The following MCRS1 variants were observed in gnomAD, a reference collection of about 807,000 sequenced individuals.
MCRS1 encodes the protein microspherule protein 1, also known as 58 kDa microspherule protein.
MCRS1 carries 22 observed loss-of-function variants against 62.9 expected under a neutral mutation model. The observed-to-expected ratio is 0.35, with a 90% CI of 0.25 to 0.50. The LOEUF is 0.50. MCRS1 is among the 20% of genes least tolerant of loss of function. MCRS1 has a pLI of 0.98. For missense variants in MCRS1, 456 were observed against 601.1 expected, an observed-to-expected ratio of 0.76 and a Z score of 2.52; for synonymous variants, 244 against 233.5, an observed-to-expected ratio of 1.04 and a Z score of -0.41.
At chr12:49,562,855 T>A in intron 8 of MCRS1, 146 bp downstream of exon 8, 1 of 1,088,568 alleles carries the variant, frequency 9.2e-7, no homozygotes, top group Non-Finnish European at 1.2e-6. Flanking sequence ...GAAAGTAGTT[T>A]TTTTTGCAAT....
At chr12:49,565,937 G>T in intron 3 of MCRS1, 140 bp downstream of exon 3, 2 of 1,298,460 alleles carry the variant, frequency 1.5e-6, no homozygotes, top group South Asian at 1.4e-5. Context: ...AGCAGGGACA[G>T]GAAAAGCACA....
Position 49,559,113 on chromosome 12 carries a change from A to G in MCRS1, c.1174+101T>C, listed in dbSNP as rs1938613512. 6.6e-7 allele frequency: 1 copy of G among 1,522,562 alleles called. No homozygotes were observed. The highest frequency in any genetic ancestry group is 9.0e-7 in the Non-Finnish European group (1 of 1,107,332). The allele number at this position is 1,522,562 out of a possible 1,614,324, so 94.3% of individuals were successfully genotyped here. A position where few individuals can be genotyped will look rare whatever the true frequency, so the allele number is the denominator to read the frequency against. ...GAATCCCTGCCTCAGGTGGTCCACG[A>G]GGGTCCCCATGGACACCAAGCCCAG... On this transcript the variant is annotated intron_variant, in intron 13 of 14. Coordinates refer to ENST00000343810, the MANE Select transcript of MCRS1 (RefSeq NM_006337.5). The surrounding 1 kb of genome is among the most constrained non-coding windows in gnomAD (Gnocchi z 5.2).
intron 7 of MCRS1, 114 bp from the exon 8 acceptor site, chr12:49,563,253 G>A: frequency 6.7e-7 from 1 of 1,487,532 alleles, no homozygotes; most frequent in Non-Finnish European, 9.1e-7. Context: ...AAGCAAGCTA[G>A]TCACCCAAGA....
intron 1 of MCRS1, 61 bp from the exon 2 acceptor site, chr12:49,566,902 T>C: frequency 1.2e-6 from 1 of 852,050 alleles, no homozygotes. Context: ...CCTCACTTCC[T>C]TATACTGGCT....
chr12:49,558,524 G>T lies in MCRS1; in HGVS notation c.*119C>A. 2 of 995,440 alleles carry T rather than the reference G, an allele frequency of 2.0e-6. No individual in the cohort carries two copies. Among genetic ancestry groups the T allele is most frequent in the Non-Finnish European group, 3.0e-6 (2 of 673,618 alleles). The allele number at this position is 995,440 out of a possible 1,614,324, so 61.7% of individuals were successfully genotyped here. ...CCTCCCTCAAAGGCTCAAATCAATGGCCCGCAGCTGAGCCTCCCACTGCCC... is the reference window on the plus strand; with the variant it reads ...CCTCCCTCAAAGGCTCAAATCAATGTCCCGCAGCTGAGCCTCCCACTGCCC... On this transcript the variant is annotated 3_prime_UTR_variant, in exon 15 of 15. Coordinates refer to ENST00000343810, the MANE Select transcript of MCRS1 (RefSeq NM_006337.5).
At position 49,563,461 on chromosome 12, in the gene MCRS1, GCTC is replaced by G. The variant is rs747188266; in HGVS notation, c.640_642del (p.Glu214del). 1 of 1,612,720 alleles carries G rather than the reference GCTC, an allele frequency of 6.2e-7. No homozygotes were observed. The highest frequency in any genetic ancestry group is 8.5e-7 in the Non-Finnish European group (1 of 1,179,630). Reference sequence around the variant, plus strand: ...ACCGATCCCACTTTGCTCAGCAGCTGCTCCTCAGCCTTGCTAAACAGGGCCTTG... The same window carrying G: ...ACCGATCCCACTTTGCTCAGCAGCTGCTCAGCCTTGCTAAACAGGGCCTTG... On this transcript the variant is annotated inframe_deletion, in exon 7 of 15. Transcript: ENST00000343810.
intron 8 of MCRS1, among the ~76,000 whole-genome samples, chr12:49,562,489 G>A (rs1938821183): frequency 6.6e-6 from 1 of 152,148 alleles, no homozygotes; most frequent in African/African-American, 2.4e-5. Context: ...AATGGCCTGA[G>A]GGCAGCTTGA....
intron 7 of MCRS1, 63 bp from the exon 8 acceptor site, chr12:49,563,202 C>T (rs1938867375): frequency 1.3e-6 from 2 of 1,538,564 alleles, no homozygotes; most frequent in African/African-American, 1.4e-5. Flanking sequence ...TCTGCCTTAC[C>T]ATCTCTACCT....
chr12:49,565,008 G>A, intron 4 of MCRS1, 113 bp from the exon 5 acceptor site: 1 of 1,443,362 alleles, frequency 6.9e-7, no homozygotes, highest in Non-Finnish European at 9.1e-7. Flanking sequence ...CCCAGCCTCA[G>A]CACCAACTCC....
rs762746583 is a variant in MCRS1 at position 49,559,392 on chromosome 12, C to T, written c.1086+61G>A. 150 of 1,609,828 alleles carry T rather than the reference C, an allele frequency of 9.3e-5. No individual in the cohort carries two copies. The highest frequency in any genetic ancestry group is 5.3e-4 in the East Asian group (24 of 44,860). ...GAGAAAGATGGGAAACCAAGGACTACGCAGAGAAAGGCACTGACAGAGGAA... is the reference window on the plus strand; with the variant it reads ...GAGAAAGATGGGAAACCAAGGACTATGCAGAGAAAGGCACTGACAGAGGAA... On this transcript the variant is annotated intron_variant, in intron 12 of 14. Coordinates refer to ENST00000343810, the MANE Select transcript of MCRS1 (RefSeq NM_006337.5). The surrounding 1 kb of genome is among the most constrained non-coding windows in gnomAD (Gnocchi z 5.2).
chr12:49,563,545 A>T lies in MCRS1; in HGVS notation c.559T>A (p.Leu187Met). The T allele has an allele frequency of 6.2e-7, 1 of 1,606,596 alleles. No individual in the cohort carries two copies. Among genetic ancestry groups the T allele is most frequent in the East Asian group, 2.2e-5 (1 of 44,870 alleles). The change falls in exon 7 of 15, where the codon TTG becomes ATG. Residue 187 changes from leucine (L) to methionine (M), a missense_variant and splice_region_variant. This residue lies in a region of MCRS1 where 393 missense variants were observed against 523.5 expected (regional missense o/e 0.75). Transcript: ENST00000343810. ...ALLYDPVISKLACQAMRQLHP... is the reference protein window; with the variant it reads ...ALLYDPVISKMACQAMRQLHP... ...AGCTGCCTCATGGCCTGACAGGCCA[A>T]CCTGGACACGGAAAGAGACAGAGGG...
At chr12:49,562,947 C>T in intron 8 of MCRS1, 54 bp downstream of exon 8, 1 of 1,548,596 alleles carries the variant, frequency 6.5e-7, no homozygotes, top group South Asian at 1.2e-5. Context: ...ACTTCAGACA[C>T]ACACACACAT....
At position 49,564,644 on chromosome 12, in the gene MCRS1, T is replaced by C. The variant is rs1938956681; in HGVS notation, c.448-54A>G. 3.1e-6 allele frequency: 5 copies of C among 1,608,884 alleles called. No homozygotes were observed. In the Admixed American group the frequency reaches 8.4e-5, roughly 27 times the overall value. On this transcript the variant is annotated intron_variant, in intron 5 of 14. Transcript: ENST00000343810. ...GCCTTGGAGCTGGGAACAACCCTTC[T>C]TTGCCACCCACAGGGCCCTGTTGGG...
At chr12:49,564,405 T>C in intron 6 of MCRS1, 76 bp downstream of exon 6, 1 of 1,273,164 alleles carries the variant, frequency 7.9e-7, no homozygotes, top group Non-Finnish European at 1.1e-6. Context: ...GGGGCCCTGG[T>C]ACAATTCCCT....
Position 49,559,044 on chromosome 12 carries a change from C to T in MCRS1, c.1175-74G>A. 6.3e-7 allele frequency: 1 copy of T among 1,588,332 alleles called. No homozygotes were observed. The highest frequency in any genetic ancestry group is 8.6e-7 in the Non-Finnish European group (1 of 1,162,738). ...TGGGATGGGGAAAGGCCAGAGAGAG[C>T]CAGGAGCTTCCATGGACCAGCTCTG... On this transcript the variant is annotated intron_variant, in intron 13 of 14. Transcript: ENST00000343810. The surrounding 1 kb of genome is among the most constrained non-coding windows in gnomAD (Gnocchi z 5.2).
chr12:49,566,586 G>T, intron 2 of MCRS1, 136 bp downstream of exon 2: 1 of 1,488,752 alleles, frequency 6.7e-7, no homozygotes, highest in Non-Finnish European at 9.2e-7. Flanking sequence ...CTGCCGACAG[G>T]TACATGGGTG....
At chr12:49,566,011 A>G (rs967761936) in intron 3 of MCRS1, 66 bp downstream of exon 3, 72 of 1,557,082 alleles carry the variant, frequency 4.6e-5, no homozygotes, top group Non-Finnish European at 5.8e-5. Flanking sequence ...ATGGGGAGGC[A>G]TGTGGCACTT....
Position 49,559,559 on chromosome 12 carries a change from G to A in MCRS1, c.1004-24C>T, listed in dbSNP as rs746455035. 3.1e-6 allele frequency: 5 copies of A among 1,607,198 alleles called. No homozygotes were observed. The highest frequency in any genetic ancestry group is 1.7e-5 in the Admixed American group (1 of 60,008). On this transcript the variant is annotated intron_variant, in intron 11 of 14. Transcript: ENST00000343810. The surrounding 1 kb of genome is among the most constrained non-coding windows in gnomAD (Gnocchi z 5.2). ...GCCTGGGAGAAGAGGGAGTTTGGAA[G>A]AGCCTACCCCTGAGGGCCAGAATGC...
rs370435962 is a variant in MCRS1 at position 49,566,099 on chromosome 12, G to T, written c.127C>A (p.Pro43Thr). The T allele has an allele frequency of 1.2e-6, 2 of 1,614,176 alleles. No homozygotes were observed. The highest frequency in any genetic ancestry group is 4.5e-5 in the East Asian group (2 of 44,894). Residue 43 changes from proline (P) to threonine (T), a missense_variant, in exon 3 of 15, where the codon CCT (proline) becomes ACT (threonine). Physicochemically the swap from Pro to Thr is conservative, Grantham distance 38. This residue lies in a region of MCRS1 where 55 missense variants were observed against 49.3 expected (regional missense o/e 1.12). Transcript: ENST00000343810. ...RASSQALGTI[P>T]KRRSSSRFIK... The stretch of plus-strand genomic sequence containing the variant: ...TACCTGGAGGAGCTTCTCCGTTTAG[G>T]GATGGTGCCCAAGGCCTGGGAGGAG...
Sources: allele counts gnomAD v4.1 joint callset (sites outside exome capture counted in the v4.1 genomes callset), GRCh38; gene constraint gnomAD v4.1.1; regional missense constraint gnomAD v4.1.1; non-coding constraint Gnocchi (gnomAD v3.1); transcripts MANE v1.5; gene names NCBI Gene and HGNC (gene_info 2026-07-23, HGNC 2026-07-21).